N4BP2: variants seen among roughly 807,000 people sequenced by gnomAD.
N4BP2 encodes NEDD4 binding protein 2, also known as NEDD4-binding protein 2.
A neutral mutation model predicts 152.8 loss-of-function variants in N4BP2; 91 were observed. The ratio of observed to expected loss-of-function variants is 0.60; its 90% CI spans 0.50 to 0.71. The LOEUF is 0.71. Among genes scored for constraint, N4BP2 ranks in the 30% least tolerant of loss-of-function variants. The pLI, the probability that N4BP2 is intolerant of heterozygous loss-of-function variation, is 0.00. For missense variants in N4BP2, 1,923 were observed against 2,059.1 expected (o/e 0.93, Z 1.28); for synonymous variants, 646 against 705.3 (o/e 0.92, Z 1.33).
intron 1 of N4BP2, among the ~76,000 whole-genome samples, chr4:40,071,014 G>A (rs535148095): frequency 1.0e-3 from 154 of 151,928 alleles, no homozygotes; most frequent in Non-Finnish European, 1.7e-3. Context: ...TAGTGGAGAC[G>A]GGGTTTCACC....
intron 1 of N4BP2, among the ~76,000 whole-genome samples, chr4:40,064,018 G>A (rs1274708014): frequency 6.6e-6 from 1 of 151,806 alleles, no homozygotes; most frequent in South Asian, 2.1e-4. Flanking sequence ...GGCTGGTCTC[G>A]AACTCCTGAG....
In N4BP2 at chr4:40,154,293, T is replaced by C; in HGVS notation, c.*56T>C. ...GTTTGTAGGTTAAAATTACTTTTAT[T>C]TGCAGTAATTCAGTCAATTCTACCC... On this transcript the variant is annotated 3_prime_UTR_variant, in exon 18 of 18. Coordinates refer to ENST00000261435, the MANE Select transcript of N4BP2 (RefSeq NM_018177.6). The C allele has an allele frequency of 8.6e-7, 1 of 1,164,632 alleles. No homozygotes were observed. The allele number at this position is 1,164,632 out of a possible 1,614,324, so 72.1% of individuals were successfully genotyped here.
chr4:40,081,224 A>T (rs1395112305), intron 2 of N4BP2, among the ~76,000 whole-genome samples: 3 of 152,198 alleles, frequency 2.0e-5, no homozygotes, highest in African/African-American at 4.8e-5. Flanking sequence ...ATATTAAAAA[A>T]ATCACCTATG....
chr4:40,171,100 G>A, the N4BP2 span, among the ~76,000 whole-genome samples: 1 of 152,192 alleles, frequency 6.6e-6, no homozygotes, highest in Non-Finnish European at 1.5e-5. Context: ...TTGGAGTTTG[G>A]TCAAGGCATT....
At chr4:40,076,893 A>G (rs1394396250) in intron 2 of N4BP2, among the ~76,000 whole-genome samples, 1 of 152,138 alleles carries the variant, frequency 6.6e-6, no homozygotes, top group African/African-American at 2.4e-5. Context: ...AGGTAACTTA[A>G]TCCTTGGGAA....
Position 40,103,063 on chromosome 4 carries a change from C to T in N4BP2, c.1218C>T (p.Ser406=), listed in dbSNP as rs2109963805. 1 of 1,614,116 alleles carries T rather than the reference C, an allele frequency of 6.2e-7. No homozygotes were observed. The highest frequency in any genetic ancestry group is 8.5e-7 in the Non-Finnish European group (1 of 1,180,024). Reference sequence around the variant, plus strand: ...CACCCTCAGTTATTTCTCACACTTCCCCAACAAAAGTATGGAGAAATAAAG... The same window carrying T: ...CACCCTCAGTTATTTCTCACACTTCTCCAACAAAAGTATGGAGAAATAAAG... ...TFPPSVISHT[S]PTKVWRNKDG... Residue 406 remains serine (S), a synonymous_variant, in exon 4 of 18, where the codon TCC becomes TCT. Transcript: ENST00000261435.
intron 7 of N4BP2, among the ~76,000 whole-genome samples, chr4:40,114,858 C>G (rs1291163581): frequency 6.6e-6 from 1 of 152,080 alleles, no homozygotes; most frequent in East Asian, 1.9e-4. Flanking sequence ...GCAACGTTTC[C>G]AAATTTATTA....
At position 40,121,934 on chromosome 4, in the gene N4BP2, G is replaced by A; in HGVS notation, c.3823G>A (p.Gly1275Arg). ...AAAAAACCTAGTAGTCACAGAGACT[G>A]GAGACAACATACATTCTCCTTCACA... ...TEKNLVVTET[G>R]DNIHSPSHFS... Residue 1275 changes from glycine (G) to arginine (R), a missense_variant, in exon 9 of 18, where the codon GGA becomes AGA. By Grantham distance (125) the Gly-to-Arg change is moderately radical. Transcript: ENST00000261435. 2 of 1,584,380 alleles carry A rather than the reference G, an allele frequency of 1.3e-6. No homozygotes were observed. The highest frequency in any genetic ancestry group is 1.7e-6 in the Non-Finnish European group (2 of 1,169,712).
chr4:40,145,334 G>A (rs1006468509), intron 16 of N4BP2, among the ~76,000 whole-genome samples: 1 of 151,722 alleles, frequency 6.6e-6, no homozygotes, highest in South Asian at 2.1e-4. Flanking sequence ...AGCCATTCTC[G>A]TGCCTCAGCC....
chr4:40,167,975 A>C, the N4BP2 span: 1 of 151,970 alleles, frequency 6.6e-6, no homozygotes, highest in South Asian at 2.1e-4. Context: ...GCATCAAGGA[A>C]TAGAGTAACT....
At position 40,142,749 on chromosome 4, in the gene N4BP2, A is replaced by G. The variant is rs1441863036; in HGVS notation, c.4862A>G (p.Asp1621Gly). ...FQDFEYPDYDDYRAEAFLHQQ... is the reference protein window; with the variant it reads ...FQDFEYPDYDGYRAEAFLHQQ... ...GACTTTGAGTACCCAGACTATGATG[A>G]CTACAGAGCAGAGGCTTTCCTTCAC... Residue 1621 changes from aspartate to glycine, a missense_variant, in exon 15 of 18, where the codon GAC (aspartate) becomes GGC (glycine). Transcript: ENST00000261435. The G allele has an allele frequency of 1.7e-5, 27 of 1,613,922 alleles. No individual in the cohort carries two copies. The highest frequency in any genetic ancestry group is 2.3e-5 in the Non-Finnish European group (27 of 1,179,928).
chr4:40,120,541 T>C lies in N4BP2; in HGVS notation c.2430T>C (p.Thr810=). The part of the protein sequence containing the change: ...RTKRNRKTEK[T]SSVQSDKKYN... ...AAAGGAACAGAAAAACTGAAAAAAC[T>C]TCATCCGTACAAAGCGACAAAAAGT... Residue 810 remains threonine (T), a synonymous_variant, in exon 9 of 18, where the codon ACT becomes ACC. Coordinates refer to ENST00000261435, the MANE Select transcript of N4BP2 (RefSeq NM_018177.6). 1 of 1,613,510 alleles carries C rather than the reference T, an allele frequency of 6.2e-7. No individual in the cohort carries two copies. Among genetic ancestry groups the C allele is most frequent in the East Asian group, 2.2e-5 (1 of 44,878 alleles).
At chr4:40,143,246 AT>A (rs1275598289) in intron 15 of N4BP2, among the ~76,000 whole-genome samples, 5 of 152,120 alleles carry the variant, frequency 3.3e-5, no homozygotes, top group Admixed American at 2.0e-4. Context: ...AATAACATTA[AT>A]TTTTTTTGGG....
the N4BP2 span, chr4:40,167,864 A>G: frequency 6.6e-6 from 1 of 152,306 alleles, no homozygotes; most frequent in South Asian, 2.1e-4. Flanking sequence ...TGGGAGTAAA[A>G]GTTACAATTT....
chr4:40,065,992 G>A (rs145996426), intron 1 of N4BP2, among the ~76,000 whole-genome samples: 2,288 of 151,516 alleles, frequency 0.015, 54 homozygotes, highest in African/African-American at 0.052. Context: ...GTGCAGTGGC[G>A]TGATCTCGGC....
chr4:40,167,459 T>C, the N4BP2 span: 1 of 152,078 alleles, frequency 6.6e-6, no homozygotes, highest in African/African-American at 2.4e-5. Flanking sequence ...TTATTTGCAA[T>C]GGGAAAAGAA....
rs921973682 is a variant in N4BP2, at chr4:40,056,919, C to G, written c.-323C>G. 4 of 152,040 alleles carry G rather than the reference C, an allele frequency of 2.6e-5. No individual in the cohort carries two copies. Among genetic ancestry groups the G allele is most frequent in the African/African-American group, 7.2e-5 (3 of 41,408 alleles). The allele number at this position is 152,040 out of a possible 1,614,324, so 9.4% of individuals were successfully genotyped here. On this transcript the variant is annotated 5_prime_UTR_variant, in exon 1 of 18. Transcript: ENST00000261435. ...GCAGCTGCTTGCTAGCCTTGCGCGGCGCGGGAGAGCGCAGTGGCGCCGGCG... is the reference window on the plus strand; with the variant it reads ...GCAGCTGCTTGCTAGCCTTGCGCGGGGCGGGAGAGCGCAGTGGCGCCGGCG...
At chr4:40,098,684 T>C (rs147543806) in intron 3 of N4BP2, among the ~76,000 whole-genome samples, 9 of 152,324 alleles carry the variant, frequency 5.9e-5, no homozygotes, top group African/African-American at 1.7e-4. Context: ...GAAATGACAG[T>C]ATATTGAGTT....
intron 7 of N4BP2, among the ~76,000 whole-genome samples, 172 bp downstream of exon 7, chr4:40,113,680 T>C (rs1717104892): frequency 6.6e-6 from 1 of 152,240 alleles, no homozygotes. Flanking sequence ...TTTCTAAAAT[T>C]GAGTTAATTT....
Sources: gnomAD v4.1 joint callset for allele counts (sites outside exome capture counted in the v4.1 genomes callset) on GRCh38, gnomAD v4.1.1 for gene constraint, MANE v1.5 for transcripts, NCBI Gene and HGNC (gene_info 2026-07-23, HGNC 2026-07-21) for gene names.